Variants in MYLK observed in about 807,000 individuals in gnomAD.
The protein encoded by MYLK is myosin light chain kinase.
In MYLK, 106 loss-of-function variants were observed where a neutral mutation model predicts 203.4. The observed-to-expected ratio is 0.52, with a 90% CI of 0.45 to 0.61. MYLK has a LOEUF of 0.61. MYLK is among the 20% of genes least tolerant of loss of function. MYLK has a pLI of 0.00. For missense variants in MYLK, 2,072 were observed against 2,442.3 expected, an observed-to-expected ratio of 0.85 and a Z score of 3.20; for synonymous variants, 867 against 959.5, an observed-to-expected ratio of 0.90 and a Z score of 1.78.
chr3:123,848,288 A>T (rs2030297762), intron 2 of MYLK, among the ~76,000 whole-genome samples: 1 of 145,548 alleles, frequency 6.9e-6, no homozygotes. Context: ...TTTTATCTAT[A>T]TCACTTTTTT....
chr3:123,852,373 T>C (rs1160472887), intron 2 of MYLK, among the ~76,000 whole-genome samples: 2 of 152,156 alleles, frequency 1.3e-5, no homozygotes, highest in African/African-American at 2.4e-5. Flanking sequence ...CTTTTTTTGG[T>C]TGGTAGGCTA....
rs900854978 is a variant in MYLK, at chr3:123,611,568, G to C, written c.*2537C>G. The stretch of plus-strand genomic sequence containing the variant: ...TTTGGCACCAGGGACCACTTTCATG[G>C]AAGACAGTTTTTCCATGGACCAGGA... On this transcript the variant is annotated 3_prime_UTR_variant, in exon 34 of 34. Coordinates refer to ENST00000360304, the MANE Select transcript of MYLK (RefSeq NM_053025.4). 1 of 152,178 alleles carries C rather than the reference G, an allele frequency of 6.6e-6. No homozygotes were observed. Among genetic ancestry groups the C allele is most frequent in the African/African-American group, 2.4e-5 (1 of 41,416 alleles). The allele number at this position is 152,178 out of a possible 1,614,324, so 9.4% of individuals were successfully genotyped here.
rs368325180 is a variant in MYLK, at chr3:123,752,444, C to T, written c.260G>A (p.Gly87Glu). ...AGCATGAATCACAAGGCTGAAAGTC[C>T]CCCGGATGCCGCAATCCAGCAGGAA... ...GRFLLDCGIRGTFSLVIHAVH... is the reference protein window; with the variant it reads ...GRFLLDCGIRETFSLVIHAVH... The change falls in exon 5 of 34, where the codon GGG becomes GAG. Residue 87 changes from glycine (G) to glutamate (E), a missense_variant. Physicochemically the swap from Gly to Glu is moderately conservative, Grantham distance 98. This residue lies in a region of MYLK where 683 missense variants were observed against 643.8 expected (regional missense o/e 1.06). Coordinates refer to ENST00000360304, the MANE Select transcript of MYLK (RefSeq NM_053025.4). 3.5e-4 allele frequency: 558 copies of T among 1,614,174 alleles called. 8 individuals carry two copies. In the South Asian group the frequency reaches 5.8e-3, roughly 17 times the overall value.
intron 28 of MYLK, chr3:123,639,139 G>T: frequency 1.2e-6 from 1 of 854,246 alleles, no homozygotes; most frequent in Non-Finnish European, 1.4e-6. Context: ...TGAGGACAGT[G>T]GCCTATTTGT....
chr3:123,693,077 C>T (rs1414063170), intron 18 of MYLK, among the ~76,000 whole-genome samples: 1 of 152,176 alleles, frequency 6.6e-6, no homozygotes, highest in African/African-American at 2.4e-5. Flanking sequence ...CTGATACCTC[C>T]TCCCCCACTC....
intron 4 of MYLK, among the ~76,000 whole-genome samples, chr3:123,773,248 T>G (rs1406587085): frequency 6.6e-6 from 1 of 152,180 alleles, no homozygotes; most frequent in Non-Finnish European, 1.5e-5. Context: ...ATGTAACTTT[T>G]AACGATTTAC....
At chr3:123,855,411 A>G (rs1229868236) in intron 2 of MYLK, among the ~76,000 whole-genome samples, 2 of 152,062 alleles carry the variant, frequency 1.3e-5, no homozygotes, top group African/African-American at 4.8e-5. Flanking sequence ...TTCAATAACT[A>G]TATTTTTCAT....
intron 6 of MYLK, 78 bp downstream of exon 6, chr3:123,739,875 T>C: frequency 6.7e-7 from 1 of 1,494,476 alleles, no homozygotes; most frequent in South Asian, 1.1e-5. Context: ...AGCCAAGACT[T>C]ACTCCCCAGA....
In MYLK at chr3:123,733,690, C is replaced by T. The variant is rs1480418342; in HGVS notation, c.1306G>A (p.Glu436Lys). 1 of 1,614,050 alleles carries T rather than the reference C, an allele frequency of 6.2e-7. No homozygotes were observed. The change falls in exon 10 of 34, where the codon GAA (glutamate) becomes AAA (lysine). Residue 436 changes from glutamate (E) to lysine (K), a missense_variant. Glu to Lys is a moderately conservative substitution (Grantham distance 56). Coordinates refer to ENST00000360304, the MANE Select transcript of MYLK (RefSeq NM_053025.4). ...GACCCTAATTACCTCTACTCACCTT[C>T]ACATCTGAACTTGACAGTTTGATTT... ...KENQTVKFRC[E>K]VSGIPKPEVA...
chr3:123,855,382 C>T (rs2031267133), intron 2 of MYLK, among the ~76,000 whole-genome samples: 1 of 152,084 alleles, frequency 6.6e-6, no homozygotes, highest in African/African-American at 2.4e-5. Flanking sequence ...TCCAGTGTAT[C>T]CCATCTATTG....
chr3:123,877,046 T>C (rs2148721448), intron 1 of MYLK, among the ~76,000 whole-genome samples: 1 of 152,302 alleles, frequency 6.6e-6, no homozygotes, highest in East Asian at 1.9e-4. Flanking sequence ...CTGACAGTTA[T>C]TAGGAACTTA....
chr3:123,784,042 C>T (rs2064404641), intron 4 of MYLK, among the ~76,000 whole-genome samples: 1 of 152,174 alleles, frequency 6.6e-6, no homozygotes, highest in East Asian at 1.9e-4. Context: ...CCCTTCCTGT[C>T]CATTTCCTGC....
intron 3 of MYLK, among the ~76,000 whole-genome samples, chr3:123,821,344 T>C (rs1301920939): frequency 6.6e-6 from 1 of 152,236 alleles, no homozygotes; most frequent in African/African-American, 2.4e-5. Flanking sequence ...AGCTGTAGCA[T>C]AGTTTTCTTT....
At chr3:123,764,146 T>G (rs1229112373) in intron 4 of MYLK, among the ~76,000 whole-genome samples, 2 of 152,240 alleles carry the variant, frequency 1.3e-5, no homozygotes, top group Non-Finnish European at 2.9e-5. Context: ...ACATAACATC[T>G]TATCTCTGAG....
chr3:123,822,274 G>T (rs116577260), intron 3 of MYLK, among the ~76,000 whole-genome samples: 2,096 of 152,240 alleles, frequency 0.014, 46 homozygotes, highest in African/African-American at 0.047. Context: ...CACAGATACT[G>T]CCTCTAGTCA....
chr3:123,722,470 C>T (rs1404254789), intron 12 of MYLK, among the ~76,000 whole-genome samples, 190 bp from the exon 13 acceptor site: 1 of 151,994 alleles, frequency 6.6e-6, no homozygotes, highest in Non-Finnish European at 1.5e-5. Context: ...GGAGAAAGAG[C>T]CAGGGGCTAA....
intron 3 of MYLK, among the ~76,000 whole-genome samples, chr3:123,825,594 T>C (rs1441689921): frequency 6.6e-6 from 1 of 152,180 alleles, no homozygotes; most frequent in Non-Finnish European, 1.5e-5. Flanking sequence ...ATCTCTCCCA[T>C]CCCTTGTGAG....
chr3:123,701,619 G>A (rs2061232249), intron 16 of MYLK, 110 bp from the exon 17 acceptor site: 10 of 1,080,252 alleles, frequency 9.3e-6, no homozygotes, highest in East Asian at 2.5e-5. Context: ...GGAAGTCGCC[G>A]GCTTGACTGA....
chr3:123,637,158 A>G (rs977441196), intron 29 of MYLK, among the ~76,000 whole-genome samples: 13 of 152,152 alleles, frequency 8.5e-5, no homozygotes, highest in African/African-American at 2.7e-4. Context: ...AAGCATACAC[A>G]TCTGCATCTT....
Sources: gnomAD v4.1 joint callset for allele counts (sites outside exome capture counted in the v4.1 genomes callset) on GRCh38, gnomAD v4.1.1 for gene constraint, gnomAD v4.1.1 regional missense constraint, MANE v1.5 for transcripts, NCBI Gene and HGNC (gene_info 2026-07-23, HGNC 2026-07-21) for gene names.